The following NR3C2 variants were observed in gnomAD, a reference collection of about 807,000 sequenced individuals.
NR3C2 encodes mineralocorticoid receptor.
NR3C2 carries 15 observed loss-of-function variants against 86.4 expected under a neutral mutation model. The observed-to-expected ratio is 0.17, with a 90% CI of 0.12 to 0.27. The LOEUF (loss-of-function observed/expected upper bound fraction) is 0.27. Ranked by LOEUF, NR3C2 falls within the 10% of genes least tolerant of loss-of-function variation. The pLI is 1.00. For missense variants in NR3C2, 960 were observed against 1,195.6 expected (o/e 0.80, Z 2.91); for synonymous variants, 458 against 450.5 (o/e 1.02, Z -0.21).
At chr4:148,378,020 TA>T (rs2126426534) in intron 2 of NR3C2, among the ~76,000 whole-genome samples, 1 of 152,208 alleles carries the variant, frequency 6.6e-6, no homozygotes, top group African/African-American at 2.4e-5. Flanking sequence ...GAGATAAGTG[TA>T]AACTTAAAGC....
chr4:148,318,195 G>T (rs1743325996), intron 2 of NR3C2, among the ~76,000 whole-genome samples: 1 of 151,292 alleles, frequency 6.6e-6, no homozygotes, highest in Admixed American at 6.6e-5. Context: ...TCCCTACAAA[G>T]GACATGAACT....
chr4:148,341,415 C>G (rs1744742083), intron 2 of NR3C2, among the ~76,000 whole-genome samples: 1 of 152,032 alleles, frequency 6.6e-6, no homozygotes, highest in Non-Finnish European at 1.5e-5. Flanking sequence ...AAGTGGATCT[C>G]ATGGAGATAG....
intron 3 of NR3C2, chr4:148,208,617 T>C (rs1479461725): frequency 6.6e-6 from 1 of 152,090 alleles, no homozygotes; most frequent in East Asian, 1.9e-4. Context: ...GATTTCTAAA[T>C]GCAGTCTCCT....
chr4:148,138,306 A>C (rs1733446656), intron 6 of NR3C2, among the ~76,000 whole-genome samples: 1 of 152,258 alleles, frequency 6.6e-6, no homozygotes, highest in Non-Finnish European at 1.5e-5. Flanking sequence ...ATAATTTAAA[A>C]TATGAACCAA....
At chr4:148,167,115 T>C (rs998890636) in intron 4 of NR3C2, among the ~76,000 whole-genome samples, 4 of 152,234 alleles carry the variant, frequency 2.6e-5, no homozygotes, top group African/African-American at 7.2e-5. Flanking sequence ...TTCACACTTA[T>C]ATTCCTAGGT....
chr4:148,173,034 A>T (rs1166978342), intron 4 of NR3C2, among the ~76,000 whole-genome samples: 2 of 152,242 alleles, frequency 1.3e-5, no homozygotes, highest in Non-Finnish European at 2.9e-5. Flanking sequence ...GAGATTTATT[A>T]GCACAGCGGG....
chr4:148,152,410 G>T (rs1734143038), intron 6 of NR3C2, 59 bp downstream of exon 6: 2 of 1,562,268 alleles, frequency 1.3e-6, no homozygotes, highest in African/African-American at 2.7e-5. Flanking sequence ...ATTACTGAAA[G>T]AAATCATAAC....
At chr4:148,261,258 TCAGCGCTATGGTGCACTATGGTAA>T (rs1227240719) in intron 2 of NR3C2, among the ~76,000 whole-genome samples, 1 of 148,566 alleles carries the variant, frequency 6.7e-6, no homozygotes, top group Non-Finnish European at 1.5e-5. Context: ...TGCACTATGG[TCAGCGCTATGGTGCACTATGGTAA>T]GCGCTATGGT....
At chr4:148,247,632 C>A (rs559273714) in intron 3 of NR3C2, among the ~76,000 whole-genome samples, 5 of 150,748 alleles carry the variant, frequency 3.3e-5, no homozygotes, top group African/African-American at 1.2e-4. Flanking sequence ...TATCCGTGGG[C>A]CTTTTTATTA....
upstream of NR3C2, chr4:148,444,196 C>G (rs909634545): frequency 1.6e-5 from 16 of 985,180 alleles, no homozygotes; most frequent in Non-Finnish European, 1.9e-5. Context: ...CAAGCGTTGC[C>G]GAATTATTCA....
chr4:148,394,954 A>T (rs1007538331), intron 2 of NR3C2, among the ~76,000 whole-genome samples: 1 of 152,064 alleles, frequency 6.6e-6, no homozygotes, highest in South Asian at 2.1e-4. Flanking sequence ...TAAAGACGAA[A>T]TTGTTCAGTT....
intron 2 of NR3C2, among the ~76,000 whole-genome samples, chr4:148,366,264 C>T (rs185220009): frequency 3.5e-4 from 53 of 151,816 alleles, no homozygotes; most frequent in African/African-American, 1.1e-3. Flanking sequence ...TATTTGTTTC[C>T]ATGCCTTTCC....
chr4:148,295,255 A>C (rs1741990420), intron 2 of NR3C2, among the ~76,000 whole-genome samples: 1 of 152,106 alleles, frequency 6.6e-6, no homozygotes. Flanking sequence ...AGATATACTA[A>C]TGTAATAAGA....
chr4:148,171,637 G>A lies in NR3C2; in HGVS notation c.2015-16736C>T, dbSNP rs552714654. Among the ~76,000 whole-genome samples the A allele has an allele frequency of 2.6e-5, 4 of 152,326 alleles. No individual in the cohort carries two copies. The East Asian group carries it at 7.7e-4, about 29-fold the overall frequency. The stretch of plus-strand genomic sequence containing the variant: ...TAATGTGGCTGCTGATCTGACAGAA[G>A]GCGGCACTTGCCCATCACTCACCTC... On this transcript the variant is annotated intron_variant, in intron 4 of 8. Transcript: ENST00000358102.
intron 2 of NR3C2, among the ~76,000 whole-genome samples, chr4:148,310,066 A>C (rs1286411438): frequency 6.6e-6 from 1 of 152,236 alleles, no homozygotes; most frequent in Admixed American, 6.5e-5. Context: ...ATACGATATA[A>C]TTATTTCATC....
intron 2 of NR3C2, among the ~76,000 whole-genome samples, chr4:148,382,108 C>T (rs1340747768): frequency 6.6e-6 from 1 of 152,190 alleles, no homozygotes; most frequent in Non-Finnish European, 1.5e-5. Context: ...GACCCTCAGG[C>T]TTCCAGCATG....
chr4:148,381,994 C>A (rs1747016938), intron 2 of NR3C2, among the ~76,000 whole-genome samples: 1 of 152,174 alleles, frequency 6.6e-6, no homozygotes, highest in Admixed American at 6.6e-5. Flanking sequence ...TTATATAAAC[C>A]TGGTCCTGAC....
Position 148,114,131 on chromosome 4 carries a change from C to T in NR3C2, c.2772G>A (p.Leu924=), listed in dbSNP as rs1325455833. ...CATGCATGGAGTCCAGCAGCTTGGT[C>T]AGTTGGTAGAACCTCTGCCAGCTCT... ...SGQSWQRFYQ[L]TKLLDSMHDL... The change falls in exon 8 of 9, where the codon CTG becomes CTA. Residue 924 remains leucine (L), a synonymous_variant. Coordinates refer to ENST00000358102, the MANE Select transcript of NR3C2 (RefSeq NM_000901.5). 7 of 1,613,620 alleles carry T rather than the reference C, an allele frequency of 4.3e-6. No individual in the cohort carries two copies. The highest frequency in any genetic ancestry group is 5.9e-6 in the Non-Finnish European group (7 of 1,179,892).
At chr4:148,101,798 C>T (rs993384889) in intron 8 of NR3C2, among the ~76,000 whole-genome samples, 1 of 152,098 alleles carries the variant, frequency 6.6e-6, no homozygotes, top group Non-Finnish European at 1.5e-5. Context: ...ACATACATCC[C>T]ACCATTTAAC....
Sources: gnomAD v4.1 joint callset for allele counts (sites outside exome capture counted in the v4.1 genomes callset) on GRCh38, gnomAD v4.1.1 for gene constraint, MANE v1.5 for transcripts, NCBI Gene and HGNC (gene_info 2026-07-23, HGNC 2026-07-21) for gene names.